DNAH1: variants seen among roughly 807,000 people sequenced by gnomAD.
DNAH1 encodes dynein axonemal heavy chain 1.
DNAH1 carries 327 observed loss-of-function variants against 484.3 expected under a neutral mutation model. The observed-to-expected ratio is 0.68, with a 90% CI of 0.62 to 0.74. DNAH1 has a LOEUF of 0.74. DNAH1 is among the 30% of genes least tolerant of loss of function. The probability of loss-of-function intolerance (pLI) is 0.00; values close to 1 mark genes in which losing one functional copy is unlikely to be tolerated. For missense variants in DNAH1, 5,052 were observed against 5,546.8 expected (o/e 0.91, Z 2.83); for synonymous variants, 2,192 against 2,191.9 (o/e 1.00, Z 0.00).
At chr3:52,336,416 T>C (rs1265305114) in intron 8 of DNAH1, among the ~76,000 whole-genome samples, 2 of 151,992 alleles carry the variant, frequency 1.3e-5, no homozygotes, top group Non-Finnish European at 2.9e-5. Context: ...TAGCCAGGCA[T>C]GGTGGGGCGC....
rs116502588 is a variant in DNAH1 at position 52,346,384 on chromosome 3, A to G, written c.1657-88A>G. ...AGTCAGATGAGCCCTGAGCCGCCCC[A>G]AGCACCCTGGTGCATAGAGTCCCTG... On this transcript the variant is annotated intron_variant, in intron 10 of 77. Transcript: ENST00000420323. 1.3e-3 allele frequency: 1,756 copies of G among 1,395,846 alleles called. 20 individuals carry two copies. The African/African-American group carries it at 0.022, about 17-fold the overall frequency. 86.5% of individuals were successfully genotyped at this position (1,395,846 alleles called of 1,614,324 possible). A position where few individuals can be genotyped will look rare whatever the true frequency, so the allele number is the denominator to read the frequency against.
rs139549116 is a variant in DNAH1, at chr3:52,342,764, C to G, written c.1287-1726C>G. Among the ~76,000 whole-genome samples the G allele has an allele frequency of 7.2e-5, 11 of 152,240 alleles. No homozygotes were observed. In the East Asian group the frequency reaches 2.1e-3, roughly 29 times the overall value. On this transcript the variant is annotated intron_variant, in intron 8 of 77. Coordinates refer to ENST00000420323, the MANE Select transcript of DNAH1 (RefSeq NM_015512.5). Reference sequence around the variant, plus strand: ...GTGGGGATAGGGGGCAAGCGAGGAACAGGGGATGGAGAGAAATGAAGAGCT... The same window carrying G: ...GTGGGGATAGGGGGCAAGCGAGGAAGAGGGGATGGAGAGAAATGAAGAGCT...
intron 65 of DNAH1, 105 bp downstream of exon 65, chr3:52,393,130 ACT>A (rs1704470757): frequency 2.1e-6 from 3 of 1,462,322 alleles, no homozygotes; most frequent in African/African-American, 2.8e-5. Flanking sequence ...ACTGGCGTAC[ACT>A]CTCCTCTTAG....
At position 52,353,461 on chromosome 3, in the gene DNAH1, A is replaced by C; in HGVS notation, c.3308A>C (p.Asn1103Thr). ...ATCCCACTGATCCAGGGGCTGCGCA[A>C]CCCTGGCATGCGGATCCGGCACTGG... ...PYIPLIQGLR[N>T]PGMRIRHWET... Residue 1103 changes from asparagine (N) to threonine (T), a missense_variant, in exon 20 of 78, where the codon AAC becomes ACC. Physicochemically the swap from Asn to Thr is moderately conservative, Grantham distance 65. This residue lies in a region of DNAH1 where 2,929 missense variants were observed against 3,409.4 expected (regional missense o/e 0.86). Coordinates refer to ENST00000420323, the MANE Select transcript of DNAH1 (RefSeq NM_015512.5). This position sits in a 1 kb window ranked among gnomAD's most constrained non-coding sequence, Gnocchi z 5.0. 1 of 1,613,874 alleles carries C rather than the reference A, an allele frequency of 6.2e-7. No individual in the cohort carries two copies. Among genetic ancestry groups the C allele is most frequent in the Non-Finnish European group, 8.5e-7 (1 of 1,179,894 alleles).
In DNAH1 at chr3:52,358,570, G is replaced by A. The variant is rs1702714353; in HGVS notation, c.4099G>A (p.Glu1367Lys). ...CCACTGCTTGCAGCTGCTATTCCAG[G>A]AGGACCTGGAGATCACGCACATGTA... ...FENIARLLFQ[E>K]DLEITHMYSA... The change falls in exon 25 of 78, where the codon GAG (glutamate) becomes AAG (lysine). Residue 1367 changes from glutamate (E) to lysine (K), a missense_variant. Physicochemically the swap from Glu to Lys is moderately conservative, Grantham distance 56. This residue lies in a region of DNAH1 where 2,929 missense variants were observed against 3,409.4 expected (regional missense o/e 0.86). Transcript: ENST00000420323. The surrounding 1 kb of genome is among the most constrained non-coding windows in gnomAD (Gnocchi z 4.2). 2.5e-6 allele frequency: 4 copies of A among 1,609,474 alleles called. No individual in the cohort carries two copies. The highest frequency in any genetic ancestry group is 2.5e-6 in the Non-Finnish European group (3 of 1,178,154).
intron 53 of DNAH1, 59 bp downstream of exon 53, chr3:52,385,036 C>T (rs370100989): frequency 1.3e-6 from 2 of 1,544,606 alleles, no homozygotes; most frequent in East Asian, 2.3e-5. Context: ...CCTGCTCACT[C>T]AGCCCTGACT....
chr3:52,365,353 C>G (rs755716713), intron 34 of DNAH1, among the ~76,000 whole-genome samples: 4 of 152,210 alleles, frequency 2.6e-5, no homozygotes, highest in Non-Finnish European at 5.9e-5. Context: ...AGGCCATATT[C>G]CTTGCACCCC....
At chr3:52,374,659 T>C in intron 44 of DNAH1, 2 of 1,458,974 alleles carry the variant, frequency 1.4e-6, no homozygotes, top group South Asian at 1.1e-5. Flanking sequence ...GCGAAGATTC[T>C]GCCCATCATG....
Position 52,322,587 on chromosome 3 carries a change from T to C in DNAH1, c.145T>C (p.Leu49=), listed in dbSNP as rs781550356. Residue 49 remains leucine (L), a synonymous_variant, in exon 2 of 78, where the codon TTG becomes CTG. Coordinates refer to ENST00000420323, the MANE Select transcript of DNAH1 (RefSeq NM_015512.5). The part of the protein sequence containing the change: ...GKILPGSDYG[L]GNPPALDPKL... ...GATTCTTCCAGGATCAGACTATGGG[T>C]TGGGAAATCCTCCAGCCCTTGACCC... 6.2e-7 allele frequency: 1 copy of C among 1,613,698 alleles called. No homozygotes were observed. The highest frequency in any genetic ancestry group is 8.5e-7 in the Non-Finnish European group (1 of 1,179,830).
intron 50 of DNAH1, 81 bp downstream of exon 50, chr3:52,382,536 A>C: frequency 6.4e-7 from 1 of 1,571,698 alleles, no homozygotes; most frequent in South Asian, 1.2e-5. Flanking sequence ...GAAGGTGGCC[A>C]GTCCTTCATG....
Position 52,326,062 on chromosome 3 carries a change from A to C in DNAH1, c.407-78A>C. 3 of 1,355,596 alleles carry C rather than the reference A, an allele frequency of 2.2e-6. No individual in the cohort carries two copies. In the Admixed American group the frequency reaches 9.7e-5, roughly 44 times the overall value. The allele number at this position is 1,355,596 out of a possible 1,614,324, so 84.0% of individuals were successfully genotyped here. The stretch of plus-strand genomic sequence containing the variant: ...TCCAAAGCATACTACCTGGTTGGTA[A>C]TTTATTTTATGGGGTGGAGGCTGGT... On this transcript the variant is annotated intron_variant, in intron 3 of 77. Transcript: ENST00000420323.
In DNAH1 at chr3:52,332,370, C is replaced by T. The variant is rs774842782; in HGVS notation, c.1262C>T (p.Thr421Met). ...AAGATCAAGCAGTGGGCCCTGAGCA[C>T]GCCTCGGATGCGCAAAGGCCCCTCG... ...LSKIKQWALS[T>M]PRMRKGPSVL... The change falls in exon 8 of 78, where the codon ACG becomes ATG. Residue 421 changes from threonine to methionine, a missense_variant. Physicochemically the swap from Thr to Met is moderately conservative, Grantham distance 81. Around this residue, in one of 4 missense-constraint regions of DNAH1, gnomAD observed 1,263 missense variants for 1,218.8 expected, o/e 1.04. Transcript: ENST00000420323. 13 of 1,613,602 alleles carry T rather than the reference C, an allele frequency of 8.1e-6. No individual in the cohort carries two copies. The highest frequency in any genetic ancestry group is 2.7e-5 in the African/African-American group (2 of 74,930).
Position 52,347,947 on chromosome 3 carries a change from C to T in DNAH1, c.2079C>T (p.Ala693=), listed in dbSNP as rs2153223861. 3 of 1,610,630 alleles carry T rather than the reference C, an allele frequency of 1.9e-6. No homozygotes were observed. The highest frequency in any genetic ancestry group is 2.5e-6 in the Non-Finnish European group (3 of 1,178,496). The change falls in exon 12 of 78, where the codon GCC becomes GCT. Residue 693 remains alanine, a synonymous_variant. Coordinates refer to ENST00000420323, the MANE Select transcript of DNAH1 (RefSeq NM_015512.5). Reference sequence around the variant, plus strand: ...ACCTCTTCGACAAGGGCATCCTGGCCACCCATGCCGTGCCCCAGCTGGAGA... The same window carrying T: ...ACCTCTTCGACAAGGGCATCCTGGCTACCCATGCCGTGCCCCAGCTGGAGA... ...LLNLFDKGIL[A]THAVPQLEKL...
rs1250302924 is a variant in DNAH1 at position 52,391,488 on chromosome 3, G to A, written c.9937G>A (p.Val3313Met). Residue 3313 changes from valine (V) to methionine (M), a missense_variant, in exon 63 of 78, where the codon GTG (valine) becomes ATG (methionine). Val to Met is a conservative substitution (Grantham distance 21, BLOSUM62 1). Around this residue, in one of 4 missense-constraint regions of DNAH1, gnomAD observed 2,929 missense variants for 3,409.4 expected, o/e 0.86. Coordinates refer to ENST00000420323, the MANE Select transcript of DNAH1 (RefSeq NM_015512.5). ...CACGGTGCTGAAGCTGGGGGACACGGTGATCCCCTACCATGAGGACTTCAG... is the reference window on the plus strand; with the variant it reads ...CACGGTGCTGAAGCTGGGGGACACGATGATCCCCTACCATGAGGACTTCAG... ...GNTVLKLGDT[V>M]IPYHEDFRMY... 1.2e-6 allele frequency: 2 copies of A among 1,613,390 alleles called. No individual in the cohort carries two copies. Among genetic ancestry groups the A allele is most frequent in the South Asian group, 1.1e-5 (1 of 91,008 alleles).
At position 52,357,908 on chromosome 3, in the gene DNAH1, C is replaced by A; in HGVS notation, c.3991C>A (p.Leu1331Met). Residue 1331 changes from leucine to methionine, a missense_variant, in exon 24 of 78, where the codon CTG becomes ATG. This residue lies in a region of DNAH1 where 2,929 missense variants were observed against 3,409.4 expected (regional missense o/e 0.86). Transcript: ENST00000420323. ...KRSAFPRFYF[L>M]SDDELLEILS... is the part of the protein sequence containing the mutation. ...CTGTTCCCCTGGCAGATTCTACTTCCTGTCAGATGATGAACTACTAGAGAT... is the reference window on the plus strand; with the variant it reads ...CTGTTCCCCTGGCAGATTCTACTTCATGTCAGATGATGAACTACTAGAGAT... The A allele has an allele frequency of 6.2e-7, 1 of 1,612,852 alleles. No homozygotes were observed. The highest frequency in any genetic ancestry group is 8.5e-7 in the Non-Finnish European group (1 of 1,179,570).
chr3:52,340,168 A>C (rs1040089596), intron 8 of DNAH1, among the ~76,000 whole-genome samples: 1 of 152,060 alleles, frequency 6.6e-6, no homozygotes, highest in African/African-American at 2.4e-5. Context: ...CTGCAGCCTC[A>C]AACTCTTGGG....
At position 52,396,295 on chromosome 3, in the gene DNAH1, G is replaced by A; in HGVS notation, c.11260-73G>A. 5 of 1,490,082 alleles carry A rather than the reference G, an allele frequency of 3.4e-6. No individual in the cohort carries two copies. In the South Asian group the frequency reaches 6.4e-5, roughly 19 times the overall value. 92.3% of individuals were successfully genotyped at this position (1,490,082 alleles called of 1,614,324 possible). The stretch of plus-strand genomic sequence containing the variant: ...GCCTGACCCACCTCAGGGTCCCTGG[G>A]CAGGAGGGAGCCTGGTGTCAGGGTG... On this transcript the variant is annotated intron_variant, in intron 70 of 77. Transcript: ENST00000420323.
Position 52,364,515 on chromosome 3 carries a change from C to A in DNAH1, c.5245-123C>A. 2 of 1,120,830 alleles carry A rather than the reference C, an allele frequency of 1.8e-6. No individual in the cohort carries two copies. The highest frequency in any genetic ancestry group is 1.9e-5 in the Admixed American group (1 of 53,928). 69.4% of individuals were successfully genotyped at this position (1,120,830 alleles called of 1,614,324 possible). A position where few individuals can be genotyped will look rare whatever the true frequency, so the allele number is the denominator to read the frequency against. ...CATGTAGGTGGTCCCAGCAGGTCTG[C>A]AAGGGAAGTGCTATGAGCTGGTGAT... On this transcript the variant is annotated intron_variant, in intron 32 of 77. Coordinates refer to ENST00000420323, the MANE Select transcript of DNAH1 (RefSeq NM_015512.5). This position sits in a 1 kb window ranked among gnomAD's most constrained non-coding sequence, Gnocchi z 4.2.
In DNAH1 at chr3:52,370,135, C is replaced by T. The variant is rs376969236; in HGVS notation, c.6164C>T (p.Ser2055Leu). The change falls in exon 39 of 78, where the codon TCA becomes TTA. Residue 2055 changes from serine to leucine, a missense_variant. Transcript: ENST00000420323. ...LEESISFVRS[S>L]VKEVIASTNC... is the part of the protein sequence containing the mutation. ...GAATCCATCTCCTTCGTTCGGTCCTCAGTGAAGGAGGTGATCGCCTCAACC... is the reference window on the plus strand; with the variant it reads ...GAATCCATCTCCTTCGTTCGGTCCTTAGTGAAGGAGGTGATCGCCTCAACC... 1 of 1,613,878 alleles carries T rather than the reference C, an allele frequency of 6.2e-7. No homozygotes were observed. Among genetic ancestry groups the T allele is most frequent in the Non-Finnish European group, 8.5e-7 (1 of 1,179,884 alleles).
Sources: allele counts gnomAD v4.1 joint callset (sites outside exome capture counted in the v4.1 genomes callset), GRCh38; gene constraint gnomAD v4.1.1; regional missense constraint gnomAD v4.1.1; non-coding constraint Gnocchi (gnomAD v3.1); transcripts MANE v1.5; gene names NCBI Gene and HGNC (gene_info 2026-07-23, HGNC 2026-07-21).